Variants in CHST8 observed in about 807,000 individuals in gnomAD.
CHST8 encodes the protein carbohydrate sulfotransferase 8.
A neutral mutation model predicts 15.0 loss-of-function variants in CHST8; 10 were observed. That is an observed-to-expected ratio of 0.67 (90% CI 0.41 to 1.13). The LOEUF is 1.13. Among genes scored for constraint, CHST8 ranks in the 50% most tolerant of loss-of-function variants. The probability of loss-of-function intolerance (pLI) is 0.00; values close to 1 mark genes in which losing one functional copy is unlikely to be tolerated. For missense variants in CHST8, 634 were observed against 608.2 expected, an observed-to-expected ratio of 1.04 and a Z score of -0.45; for synonymous variants, 259 against 256.6, an observed-to-expected ratio of 1.01 and a Z score of -0.09.
chr19:33,648,376 TCA>T (rs76287173), intron 1 of CHST8, among the ~76,000 whole-genome samples: 37,184 of 151,976 alleles, frequency 0.24, 5,250 homozygotes, highest in East Asian at 0.48. Context: ...CCTGTGCTAT[TCA>T]CAGTCACTCC....
intron 2 of CHST8, among the ~76,000 whole-genome samples, chr19:33,668,565 G>GTCTC (rs1972693509): frequency 6.6e-6 from 1 of 152,202 alleles, no homozygotes; most frequent in Non-Finnish European, 1.5e-5. Flanking sequence ...TGGAAGGGAG[G>GTCTC]AAGAACAGAT....
intron 3 of CHST8, among the ~76,000 whole-genome samples, chr19:33,748,652 C>T (rs1202871087): frequency 6.6e-6 from 1 of 152,206 alleles, no homozygotes; most frequent in Non-Finnish European, 1.5e-5. Flanking sequence ...GGCCCGGCTG[C>T]TCACCTTGTC....
chr19:33,743,296 C>CTTT lies in CHST8; in HGVS notation c.131-28096_131-28094dup, dbSNP rs916165328. Among the ~76,000 whole-genome samples, 629 of 98,252 alleles carry CTTT rather than the reference C, an allele frequency of 6.4e-3. 6 individuals are homozygous for CTTT. The highest frequency in any genetic ancestry group is 9.3e-3 in the Middle Eastern group (1 of 108). The allele number at this position is 98,252 out of a possible 152,430, so 64.5% of individuals were successfully genotyped here. A position where few individuals can be genotyped will look rare whatever the true frequency, so the allele number is the denominator to read the frequency against. Reference sequence around the variant, plus strand: ...TCCTGCACTATCTACCACAGCAATTCTTTTTTTTTTTTTTTTTTTTTTTGA... The same window carrying CTTT: ...TCCTGCACTATCTACCACAGCAATTCTTTTTTTTTTTTTTTTTTTTTTTTTTGA... On this transcript the variant is annotated intron_variant, in intron 3 of 4. Transcript: ENST00000650847.
intron 1 of CHST8, among the ~76,000 whole-genome samples, chr19:33,648,990 AC>A (rs1972396566): frequency 7.5e-6 from 1 of 132,538 alleles, no homozygotes; most frequent in South Asian, 2.3e-4. Context: ...TGCAAGCTCC[AC>A]CCCCCAGGTT....
At chr19:33,724,419 C>T (rs533042168) in intron 3 of CHST8, among the ~76,000 whole-genome samples, 2 of 152,350 alleles carry the variant, frequency 1.3e-5, no homozygotes, top group Admixed American at 6.5e-5. Context: ...AGGATACCCC[C>T]GGCCCCCATC....
At chr19:33,708,591 A>C (rs1384957087) in intron 3 of CHST8, among the ~76,000 whole-genome samples, 1 of 152,222 alleles carries the variant, frequency 6.6e-6, no homozygotes, top group Non-Finnish European at 1.5e-5. Context: ...CTGTATGTCT[A>C]TTCTTTTGCC....
chr19:33,717,788 C>A (rs1973688862), intron 3 of CHST8, among the ~76,000 whole-genome samples: 1 of 152,132 alleles, frequency 6.6e-6, no homozygotes, highest in Non-Finnish European at 1.5e-5. Flanking sequence ...GGTCCACACC[C>A]TGTTTTTCAG....
chr19:33,634,863 G>A (rs767200759), intron 1 of CHST8, among the ~76,000 whole-genome samples: 3 of 152,130 alleles, frequency 2.0e-5, no homozygotes, highest in East Asian at 1.9e-4. Flanking sequence ...CTGGGCTGCC[G>A]TGGTGAGGGC....
chr19:33,721,970 T>C (rs370630497), intron 3 of CHST8, among the ~76,000 whole-genome samples: 10 of 146,636 alleles, frequency 6.8e-5, no homozygotes, highest in East Asian at 4.2e-4. Context: ...GATGGATGGA[T>C]GGATGGCTGT....
Position 33,765,053 on chromosome 19 carries a change from CATATATAT to C in CHST8, c.131-6347_131-6340del, listed in dbSNP as rs72103213. 9.2e-4 allele frequency among the ~76,000 whole-genome samples: 81 copies of C among 87,694 alleles called. 6 individuals are homozygous for C. Among genetic ancestry groups the C allele is most frequent in the African/African-American group, 2.5e-3 (41 of 16,656 alleles). 57.5% of individuals were successfully genotyped at this position (87,694 alleles called of 152,430 possible). A position where few individuals can be genotyped will look rare whatever the true frequency, so the allele number is the denominator to read the frequency against. Reference sequence around the variant, plus strand: ...TTTTTATGGCTAAGTACTATTCCATCATATATATATATATATATATCAGAGTTTCTTTA... The same window carrying C: ...TTTTTATGGCTAAGTACTATTCCATCATATATATATATCAGAGTTTCTTTA... On this transcript the variant is annotated intron_variant, in intron 3 of 4. Coordinates refer to ENST00000650847, the MANE Select transcript of CHST8 (RefSeq NM_001127895.2).
chr19:33,725,647 C>T (rs1286674987), intron 3 of CHST8, among the ~76,000 whole-genome samples: 1 of 152,218 alleles, frequency 6.6e-6, no homozygotes, highest in Non-Finnish European at 1.5e-5. Context: ...CCCACTCTGG[C>T]CTCCCTGGTC....
intron 3 of CHST8, among the ~76,000 whole-genome samples, chr19:33,743,225 G>C (rs1974232564): frequency 1.3e-5 from 2 of 151,574 alleles, no homozygotes; most frequent in Non-Finnish European, 2.9e-5. Context: ...GCTTTCCCTA[G>C]CATGTCCACT....
intron 3 of CHST8, among the ~76,000 whole-genome samples, chr19:33,695,821 C>CTTTCTTT (rs57718433): frequency 5.4e-4 from 41 of 76,238 alleles, no homozygotes; most frequent in African/African-American, 2.3e-3. Flanking sequence ...TTCTTTCTTT[C>CTTTCTTT]TTTTTTTTTT....
intron 3 of CHST8, among the ~76,000 whole-genome samples, chr19:33,724,110 T>C (rs1364386467): frequency 6.6e-6 from 1 of 152,162 alleles, no homozygotes; most frequent in Non-Finnish European, 1.5e-5. Context: ...TCGGTGCCCT[T>C]GGCCCCACAT....
intron 1 of CHST8, among the ~76,000 whole-genome samples, chr19:33,637,481 C>G (rs1308149648): frequency 6.6e-6 from 1 of 150,826 alleles, no homozygotes; most frequent in East Asian, 2.0e-4. Flanking sequence ...CAGCTCACTG[C>G]AAGCCCCGCC....
chr19:33,657,752 G>A (rs201867334), intron 1 of CHST8, among the ~76,000 whole-genome samples: 12 of 151,820 alleles, frequency 7.9e-5, no homozygotes, highest in African/African-American at 2.9e-4. Flanking sequence ...AATTATTTTC[G>A]CAGAGACATG....
At chr19:33,695,105 C>A (rs2145267384) in intron 3 of CHST8, among the ~76,000 whole-genome samples, 1 of 152,160 alleles carries the variant, frequency 6.6e-6, no homozygotes, top group South Asian at 2.1e-4. Context: ...CGCCACTACA[C>A]CCAGCTATTT....
Position 33,720,271 on chromosome 19 carries a change from C to T in CHST8, c.130+30880C>T, listed in dbSNP as rs1189137749. On this transcript the variant is annotated intron_variant, in intron 3 of 4. Transcript: ENST00000650847. ...ACACGCCACACATACACCACACATA[C>T]GCAGGCCACACACACATACACACTC... Among the ~76,000 whole-genome samples the T allele has an allele frequency of 7.9e-5, 12 of 151,588 alleles. No individual in the cohort carries two copies. In the East Asian group the frequency reaches 1.2e-3, roughly 15 times the overall value.
In CHST8 at chr19:33,640,744, C is replaced by A. The variant is rs148877243; in HGVS notation, c.-164+18448C>A. On this transcript the variant is annotated intron_variant, in intron 1 of 4. Transcript: ENST00000650847. ...GCGCACTCTCCTCTTGCATCTCTGG[C>A]CCTTCCTGGGTGGTCTTGCCCAAGA... Among the ~76,000 whole-genome samples, 458 of 152,308 alleles carry A rather than the reference C, an allele frequency of 3.0e-3. 3 individuals carry two copies. The highest frequency in any genetic ancestry group is 0.01 in the African/African-American group (434 of 41,576).
Sources: gnomAD v4.1 joint callset for allele counts (sites outside exome capture counted in the v4.1 genomes callset) on GRCh38, gnomAD v4.1.1 for gene constraint, MANE v1.5 for transcripts, NCBI Gene and HGNC (gene_info 2026-07-23, HGNC 2026-07-21) for gene names.